Variants in UST observed in about 807,000 individuals in gnomAD.
The protein encoded by UST is uronyl 2-sulfotransferase.
Under a neutral mutation model 45.6 loss-of-function variants are expected in UST, and 21 were observed. The observed-to-expected ratio is 0.46, with a 90% CI of 0.33 to 0.66. The LOEUF (loss-of-function observed/expected upper bound fraction) is 0.66, where lower values mean the gene tolerates loss of function less well. UST is among the 30% of genes least tolerant of loss of function. The pLI is 0.02. For synonymous variants in UST, 215 were observed against 200.6 expected, an observed-to-expected ratio of 1.07 and a Z score of -0.61; for missense variants, 463 against 512.4, an observed-to-expected ratio of 0.90 and a Z score of 0.93.
chr6:148,776,341 T>C (rs1040669501), intron 1 of UST, among the ~76,000 whole-genome samples: 5 of 152,324 alleles, frequency 3.3e-5, no homozygotes, highest in African/African-American at 1.2e-4. Context: ...TTCCTATGTG[T>C]TCAATCCTCT....
chr6:148,983,645 C>T (rs1447460950), intron 5 of UST, among the ~76,000 whole-genome samples: 2 of 152,162 alleles, frequency 1.3e-5, no homozygotes, highest in Non-Finnish European at 2.9e-5. Flanking sequence ...CCAGGAAAAG[C>T]GAATGTAGGA....
intron 1 of UST, among the ~76,000 whole-genome samples, chr6:148,799,724 A>G (rs1002751698): frequency 4.0e-5 from 6 of 151,656 alleles, no homozygotes; most frequent in African/African-American, 1.5e-4. Context: ...CTATTTGTAT[A>G]CTCATTCTTT....
intron 2 of UST, among the ~76,000 whole-genome samples, chr6:148,936,758 C>T (rs1337515260): frequency 1.3e-5 from 2 of 151,940 alleles, no homozygotes; most frequent in South Asian, 2.1e-4. Context: ...TGCAATGGCG[C>T]GATCTCAGCT....
In UST at chr6:148,875,807, AAAAC is replaced by A. The variant is rs890415109; in HGVS notation, c.248-11168_248-11165del. On this transcript the variant is annotated intron_variant, in intron 1 of 7. Transcript: ENST00000367463. ...CGACACAGCAAGACTCCGCCTCAAA[AAAAC>A]AAACAAACAAGGAAGCTAAATATGA... 2.3e-4 allele frequency among the ~76,000 whole-genome samples: 35 copies of A among 152,378 alleles called. 1 individual carries two copies. Among genetic ancestry groups the A allele is most frequent in the African/African-American group, 6.7e-4 (28 of 41,590 alleles).
At chr6:148,826,273 G>A (rs142383477) in intron 1 of UST, among the ~76,000 whole-genome samples, 3,126 of 152,138 alleles carry the variant, frequency 0.021, 101 homozygotes, top group African/African-American at 0.061. Flanking sequence ...CCACCATGCC[G>A]GGCTAATTTT....
intron 1 of UST, among the ~76,000 whole-genome samples, chr6:148,804,809 T>G (rs964713508): frequency 6.7e-6 from 1 of 149,740 alleles, no homozygotes; most frequent in Non-Finnish European, 1.5e-5. Flanking sequence ...TTACTATTTT[T>G]ATATGTAAAT....
chr6:148,819,840 T>A (rs1382211180), intron 1 of UST, among the ~76,000 whole-genome samples: 1 of 152,166 alleles, frequency 6.6e-6, no homozygotes, highest in Non-Finnish European at 1.5e-5. Flanking sequence ...CCATTGGAAG[T>A]TCTGGTTAAG....
At chr6:148,975,911 T>C (rs1434801108) in intron 5 of UST, among the ~76,000 whole-genome samples, 1 of 152,064 alleles carries the variant, frequency 6.6e-6, no homozygotes, top group Non-Finnish European at 1.5e-5. Flanking sequence ...ATGGAAGAAA[T>C]CACAAAAGAA....
rs34775441 is a variant in UST at position 148,780,128 on chromosome 6, TAC to T, written c.247+32468_247+32469del. On this transcript the variant is annotated intron_variant, in intron 1 of 7. Coordinates refer to ENST00000367463, the MANE Select transcript of UST (RefSeq NM_005715.3). ...ACAAATACATGTGTGTGTATATATATACACACACACACACACACTTATGCAGG... is the reference window on the plus strand; with the variant it reads ...ACAAATACATGTGTGTGTATATATATACACACACACACACACTTATGCAGG... Among the ~76,000 whole-genome samples the T allele has an allele frequency of 1.1e-3, 165 of 149,568 alleles. 1 individual carries two copies. The highest frequency in any genetic ancestry group is 0.01 in the Middle Eastern group (3 of 288).
chr6:149,052,433 CT>C (rs1776501066), intron 7 of UST, among the ~76,000 whole-genome samples: 2 of 152,110 alleles, frequency 1.3e-5, no homozygotes, highest in Admixed American at 6.5e-5. Flanking sequence ...GAGGAAGATA[CT>C]ATTATTATGT....
At chr6:148,999,558 A>C (rs1030890530) in intron 5 of UST, among the ~76,000 whole-genome samples, 5 of 152,260 alleles carry the variant, frequency 3.3e-5, no homozygotes, top group Non-Finnish European at 5.9e-5. Flanking sequence ...CACTGCTATG[A>C]TGTAACAGTG....
chr6:148,967,671 C>T (rs921866807), intron 5 of UST, among the ~76,000 whole-genome samples: 3 of 152,178 alleles, frequency 2.0e-5, no homozygotes, highest in Non-Finnish European at 2.9e-5. Flanking sequence ...TTGCCGGCCA[C>T]CCCTCCCCTC....
intron 2 of UST, among the ~76,000 whole-genome samples, chr6:148,928,718 T>C (rs1440746736): frequency 6.6e-6 from 1 of 152,220 alleles, no homozygotes; most frequent in African/African-American, 2.4e-5. Flanking sequence ...ATGAAAAAGG[T>C]ATACTTGTGA....
At chr6:148,931,725 G>C (rs1214117555) in intron 2 of UST, among the ~76,000 whole-genome samples, 2 of 152,058 alleles carry the variant, frequency 1.3e-5, no homozygotes, top group African/African-American at 4.8e-5. Context: ...AAACATACAG[G>C]GTACATCCAC....
At position 148,941,450 on chromosome 6, in the gene UST, A is replaced by G; in HGVS notation, c.447+16A>G. Reference sequence around the variant, plus strand: ...AAATGAACAAGTAAGTTGACTTTGCACATTGTTAAATTGTGTTTTGCTTCA... The same window carrying G: ...AAATGAACAAGTAAGTTGACTTTGCGCATTGTTAAATTGTGTTTTGCTTCA... On this transcript the variant is annotated intron_variant, in intron 3 of 7. Transcript: ENST00000367463. 1 of 1,583,372 alleles carries G rather than the reference A, an allele frequency of 6.3e-7. No individual in the cohort carries two copies. The highest frequency in any genetic ancestry group is 8.6e-7 in the Non-Finnish European group (1 of 1,169,472).
chr6:148,757,259 T>C (rs1776117556), intron 1 of UST, among the ~76,000 whole-genome samples: 1 of 152,276 alleles, frequency 6.6e-6, no homozygotes, highest in Non-Finnish European at 1.5e-5. Flanking sequence ...TAATTAAGAA[T>C]AGCTGAGATC....
chr6:148,826,939 G>C (rs1479165048), intron 1 of UST, among the ~76,000 whole-genome samples: 1 of 152,014 alleles, frequency 6.6e-6, no homozygotes, highest in Non-Finnish European at 1.5e-5. Flanking sequence ...CTGCCTCTCT[G>C]TGATTACATC....
intron 1 of UST, among the ~76,000 whole-genome samples, chr6:148,776,337 T>C (rs1776534680): frequency 6.6e-6 from 1 of 152,198 alleles, no homozygotes; most frequent in African/African-American, 2.4e-5. Context: ...CATTTTCCTA[T>C]GTGTTCAATC....
At chr6:148,886,024 G>A (rs776188587) in intron 1 of UST, among the ~76,000 whole-genome samples, 1 of 152,166 alleles carries the variant, frequency 6.6e-6, no homozygotes, top group Non-Finnish European at 1.5e-5. Flanking sequence ...AGGCGCCTTC[G>A]ATTATACTGA....
Sources: allele counts gnomAD v4.1 joint callset (sites outside exome capture counted in the v4.1 genomes callset), GRCh38; gene constraint gnomAD v4.1.1; transcripts MANE v1.5; gene names NCBI Gene and HGNC (gene_info 2026-07-23, HGNC 2026-07-21).